Variants in GPR137C observed in about 807,000 individuals in gnomAD.
GPR137C encodes G protein-coupled receptor 137C, also known as integral membrane protein GPR137C.
Under a neutral mutation model 43.4 loss-of-function variants are expected in GPR137C, and 27 were observed. The ratio of observed to expected loss-of-function variants is 0.62; its 90% CI spans 0.46 to 0.86. The LOEUF is 0.86. GPR137C is among the 40% of genes least tolerant of loss of function. The pLI, the probability that GPR137C is intolerant of heterozygous loss-of-function variation, is 0.00. For synonymous variants in GPR137C, 285 were observed against 226.9 expected (o/e 1.26, Z -2.30); for missense variants, 522 against 534.6 (o/e 0.98, Z 0.23).
chr14:52,596,710 C>A (rs1228070002), intron 1 of GPR137C, among the ~76,000 whole-genome samples: 1 of 152,192 alleles, frequency 6.6e-6, no homozygotes, highest in South Asian at 2.1e-4. Flanking sequence ...GTGTACCATT[C>A]CTCCAGGTAC....
At chr14:52,562,238 G>T (rs909451932) in intron 1 of GPR137C, among the ~76,000 whole-genome samples, 3 of 152,140 alleles carry the variant, frequency 2.0e-5, no homozygotes, top group Non-Finnish European at 4.4e-5. Context: ...ACTTGGTTAA[G>T]TTAGTTGGGT....
intron 1 of GPR137C, chr14:52,597,119 T>C: frequency 2.6e-6 from 1 of 377,418 alleles, no homozygotes; most frequent in South Asian, 2.0e-5. Flanking sequence ...AATTTACTCT[T>C]CATAAGTTGG....
chr14:52,591,621 G>A (rs2038785669), intron 1 of GPR137C, among the ~76,000 whole-genome samples: 1 of 152,002 alleles, frequency 6.6e-6, no homozygotes, highest in South Asian at 2.1e-4. Context: ...CTGCATAAAT[G>A]TCTTTTCAGA....
chr14:52,585,331 A>G (rs2038699185), intron 1 of GPR137C, among the ~76,000 whole-genome samples: 1 of 152,090 alleles, frequency 6.6e-6, no homozygotes, highest in African/African-American at 2.4e-5. Context: ...TTCTGTCTAG[A>G]GCCTTCCTAA....
chr14:52,633,682 G>A (rs910076825), intron 5 of GPR137C, 27 bp downstream of exon 5: 1 of 1,606,430 alleles, frequency 6.2e-7, no homozygotes, highest in Non-Finnish European at 8.5e-7. Flanking sequence ...CCCAATGCCT[G>A]TTCTCCTATT....
At chr14:52,595,454 A>C (rs969034054) in intron 1 of GPR137C, among the ~76,000 whole-genome samples, 6 of 152,038 alleles carry the variant, frequency 3.9e-5, no homozygotes, top group African/African-American at 9.7e-5. Context: ...TTCAGGTACA[A>C]CAATCAAACA....
chr14:52,625,001 A>G (rs1026848827), intron 3 of GPR137C, among the ~76,000 whole-genome samples: 8 of 152,334 alleles, frequency 5.3e-5, no homozygotes, highest in Non-Finnish European at 1.0e-4. Context: ...TAAATATACA[A>G]CTATAAATTG....
chr14:52,632,118 A>T (rs1254078159), intron 3 of GPR137C, 42 bp from the exon 4 acceptor site: 2 of 1,465,898 alleles, frequency 1.4e-6, no homozygotes, highest in Non-Finnish European at 1.9e-6. Flanking sequence ...TGTCGTGACA[A>T]ATGTGTAGAA....
rs2039353894 is a variant in GPR137C at position 52,636,446 on chromosome 14, G to C, written c.*1331G>C. The C allele has an allele frequency of 6.6e-6, 1 of 152,032 alleles. No individual in the cohort carries two copies. The highest frequency in any genetic ancestry group is 2.4e-5 in the African/African-American group (1 of 41,430). The allele number at this position is 152,032 out of a possible 1,614,324, so 9.4% of individuals were successfully genotyped here. A position where few individuals can be genotyped will look rare whatever the true frequency, so the allele number is the denominator to read the frequency against. On this transcript the variant is annotated 3_prime_UTR_variant, in exon 7 of 7. Transcript: ENST00000321662. ...AGATGCCAAGGGAACAAGCAACATT[G>C]GGAAGTTGTCACAACATGCTCAAAG...
At chr14:52,612,351 T>C in intron 3 of GPR137C, 8 of 911,520 alleles carry the variant, frequency 8.8e-6, no homozygotes, top group Non-Finnish European at 9.2e-6. Context: ...TTTCATCATA[T>C]ACCAAAATTA....
intron 1 of GPR137C, among the ~76,000 whole-genome samples, chr14:52,565,450 C>T (rs1252234018): frequency 6.6e-6 from 1 of 152,076 alleles, no homozygotes; most frequent in Non-Finnish European, 1.5e-5. Context: ...TAAGTCTGAC[C>T]AAATGTGTAG....
At chr14:52,614,482 C>T (rs942408277) in intron 3 of GPR137C, among the ~76,000 whole-genome samples, 3 of 151,878 alleles carry the variant, frequency 2.0e-5, no homozygotes, top group African/African-American at 4.8e-5. Flanking sequence ...AGCTTTTGAC[C>T]ATTTTTATTT....
chr14:52,612,648 A>T (rs376242588), intron 3 of GPR137C: 1 of 343,474 alleles, frequency 2.9e-6, no homozygotes, highest in African/African-American at 2.2e-5. Context: ...TGTAACCTCA[A>T]ACTCCTGGGC....
chr14:52,597,172 T>C (rs1383391853), intron 1 of GPR137C, among the ~76,000 whole-genome samples: 1 of 152,202 alleles, frequency 6.6e-6, no homozygotes, highest in African/African-American at 2.4e-5. Flanking sequence ...CCAGACAGTT[T>C]TTCCCCTTAC....
chr14:52,600,155 T>C lies in GPR137C; in HGVS notation c.531T>C (p.Phe177=). 6.2e-7 allele frequency: 1 copy of C among 1,613,946 alleles called. No individual in the cohort carries two copies. The highest frequency in any genetic ancestry group is 8.5e-7 in the Non-Finnish European group (1 of 1,179,854). The change falls in exon 3 of 7, where the codon TTT becomes TTC. Residue 177 remains phenylalanine (F), a synonymous_variant. Transcript: ENST00000321662. ...HLGFIMASLL[F]LVVNLTCAML... ...GCTTTATAATGGCAAGCCTGCTCTT[T>C]TTAGTGGTGAACTTGACTTGCGCAA...
intron 3 of GPR137C, among the ~76,000 whole-genome samples, chr14:52,624,704 A>G (rs1170656492): frequency 6.7e-6 from 1 of 148,972 alleles, no homozygotes; most frequent in African/African-American, 2.5e-5. Context: ...ATCCAACGCA[A>G]CAGAGCCATA....
intron 1 of GPR137C, among the ~76,000 whole-genome samples, chr14:52,580,396 C>T (rs979537761): frequency 1.4e-4 from 22 of 151,940 alleles, no homozygotes; most frequent in African/African-American, 5.3e-4. Context: ...AGAGTCTCAC[C>T]CTGTAGCCCA....
chr14:52,560,303 A>C (rs747108087), intron 1 of GPR137C, among the ~76,000 whole-genome samples: 32 of 152,340 alleles, frequency 2.1e-4, no homozygotes, highest in South Asian at 8.3e-4. Flanking sequence ...ATATACCCTG[A>C]AAAGCTCATT....
chr14:52,566,754 A>G (rs995797547), intron 1 of GPR137C, among the ~76,000 whole-genome samples: 15 of 152,218 alleles, frequency 9.9e-5, no homozygotes, highest in Non-Finnish European at 1.9e-4. Flanking sequence ...AGGCACCTAC[A>G]TTTTTAAATG....
Sources: gnomAD v4.1 joint callset for allele counts (sites outside exome capture counted in the v4.1 genomes callset) on GRCh38, gnomAD v4.1.1 for gene constraint, MANE v1.5 for transcripts, NCBI Gene and HGNC (gene_info 2026-07-23, HGNC 2026-07-21) for gene names.